USP47: variants seen among roughly 807,000 people sequenced by gnomAD.
USP47 encodes the protein ubiquitin carboxyl-terminal hydrolase 47.
USP47 carries 35 observed loss-of-function variants against 165.1 expected under a neutral mutation model. The observed-to-expected ratio is 0.21, with a 90% CI of 0.16 to 0.28. The LOEUF (loss-of-function observed/expected upper bound fraction) is 0.28, where lower values mean the gene tolerates loss of function less well. Among genes scored for constraint, USP47 ranks in the 10% least tolerant of loss-of-function variants. The pLI, the probability that USP47 is intolerant of heterozygous loss-of-function variation, is 1.00. For synonymous variants in USP47, 531 were observed against 544.5 expected, an observed-to-expected ratio of 0.98 and a Z score of 0.35; for missense variants, 1,277 against 1,607.4, an observed-to-expected ratio of 0.79 and a Z score of 3.52.
rs192089512 is a variant in USP47, at chr11:11,866,820, A to G, written c.40-13357A>G. 2.6e-5 allele frequency among the ~76,000 whole-genome samples: 4 copies of G among 152,192 alleles called. No individual in the cohort carries two copies. The East Asian group carries it at 7.7e-4, about 29-fold the overall frequency. ...TGGCCCACACTTTTTCCTATTGACA[A>G]ATTAGGCATTAGTCTAGTTGTTTCT... On this transcript the variant is annotated intron_variant, in intron 1 of 27. Coordinates refer to ENST00000527733, the MANE Select transcript of USP47 (RefSeq NM_001282659.2).
At position 11,897,708 on chromosome 11, in the gene USP47, A is replaced by C; in HGVS notation, c.593+15A>C. The C allele has an allele frequency of 1.3e-6, 2 of 1,490,042 alleles. No homozygotes were observed. The highest frequency in any genetic ancestry group is 1.8e-6 in the Non-Finnish European group (2 of 1,086,702). 92.3% of individuals were successfully genotyped at this position (1,490,042 alleles called of 1,614,324 possible). A position where few individuals can be genotyped will look rare whatever the true frequency, so the allele number is the denominator to read the frequency against. On this transcript the variant is annotated intron_variant, in intron 5 of 27. Coordinates refer to ENST00000527733, the MANE Select transcript of USP47 (RefSeq NM_001282659.2). ...GCATTATATAAGTGAGTATTCAAAA[A>C]AATTGTATACATAAAATTGATTTAA...
rs1853937849 is a variant in USP47, at chr11:11,922,878, C to G, written c.1373C>G (p.Ser458Cys). ...AGTGGAACTGAAAAGATCTCAAAAT[C>G]TGGACTTGAAAAGGTACCTTTTATA... Reference protein sequence around the residue: ...TNSGTEKISKSGLEKNSLIYE... With the variant: ...TNSGTEKISKCGLEKNSLIYE... Residue 458 changes from serine (S) to cysteine (C), a missense_variant, in exon 11 of 28, where the codon TCT becomes TGT. Around this residue, in one of 4 missense-constraint regions of USP47, gnomAD observed 909 missense variants for 1,068.1 expected, o/e 0.85. Transcript: ENST00000527733. 6.2e-7 allele frequency: 1 copy of G among 1,609,378 alleles called. No homozygotes were observed. The highest frequency in any genetic ancestry group is 8.5e-7 in the Non-Finnish European group (1 of 1,177,388).
At chr11:11,857,090 T>C (rs1160329049) in intron 1 of USP47, among the ~76,000 whole-genome samples, 1 of 152,152 alleles carries the variant, frequency 6.6e-6, no homozygotes, top group Admixed American at 6.5e-5. Context: ...ATAAAATATT[T>C]AATAAAGAGA....
chr11:11,883,812 A>G (rs1266625776), intron 2 of USP47, among the ~76,000 whole-genome samples: 1 of 152,088 alleles, frequency 6.6e-6, no homozygotes, highest in Non-Finnish European at 1.5e-5. Context: ...TGACTCTTAG[A>G]TGTTTAATTT....
chr11:11,910,705 T>C (rs904612817), intron 8 of USP47, among the ~76,000 whole-genome samples: 1 of 152,094 alleles, frequency 6.6e-6, no homozygotes, highest in African/African-American at 2.4e-5. Context: ...GATGTCCACA[T>C]AGGCCAAGTG....
intron 3 of USP47, among the ~76,000 whole-genome samples, chr11:11,889,547 AAT>A (rs990291016): frequency 1.3e-5 from 2 of 152,190 alleles, no homozygotes; most frequent in African/African-American, 4.8e-5. Context: ...TGCTGAAATA[AAT>A]CAGAGAAGAT....
chr11:11,959,675 G>A lies in USP47; in HGVS notation c.*3500G>A, dbSNP rs1847369229. ...GCATTGGAGCATGTGTTACTATTTA[G>A]AAAAGAGTGCAGCCATCAGTAGGTC... On this transcript the variant is annotated 3_prime_UTR_variant, in exon 28 of 28. Coordinates refer to ENST00000527733, the MANE Select transcript of USP47 (RefSeq NM_001282659.2). Among the ~76,000 whole-genome samples, 1 of 152,194 alleles carries A rather than the reference G, an allele frequency of 6.6e-6. No individual in the cohort carries two copies. The highest frequency in any genetic ancestry group is 1.5e-5 in the Non-Finnish European group (1 of 68,030).
chr11:11,922,825 T>C lies in USP47; in HGVS notation c.1320T>C (p.Val440=). ...MSNDFSNDDG[V]DEGICLETNS... ...ACGATTTCTCCAATGATGATGGTGT[T>C]GATGAAGGAATCTGTCTTGAAACCA... The change falls in exon 11 of 28, where the codon GTT becomes GTC. Residue 440 remains valine, a synonymous_variant. Transcript: ENST00000527733. The C allele has an allele frequency of 6.2e-7, 1 of 1,611,890 alleles. No homozygotes were observed. Among genetic ancestry groups the C allele is most frequent in the Non-Finnish European group, 8.5e-7 (1 of 1,178,594 alleles).
intron 25 of USP47, among the ~76,000 whole-genome samples, chr11:11,953,485 T>C (rs1451671054): frequency 2.0e-5 from 3 of 152,000 alleles, no homozygotes; most frequent in African/African-American, 7.2e-5. Context: ...GAAAAAGATA[T>C]TTGTAAGCAT....
At chr11:11,848,298 T>G (rs751621303) in intron 1 of USP47, among the ~76,000 whole-genome samples, 3 of 152,252 alleles carry the variant, frequency 2.0e-5, no homozygotes, top group Non-Finnish European at 4.4e-5. Flanking sequence ...GCTACACACC[T>G]AGGCTATATG....
intron 1 of USP47, among the ~76,000 whole-genome samples, chr11:11,860,930 CAT>C (rs1849343102): frequency 6.6e-6 from 1 of 152,078 alleles, no homozygotes; most frequent in Non-Finnish European, 1.5e-5. Context: ...ATGCTACAAA[CAT>C]GTCAGCATTA....
chr11:11,871,804 C>T (rs1850085934), intron 1 of USP47, among the ~76,000 whole-genome samples: 1 of 152,118 alleles, frequency 6.6e-6, no homozygotes, highest in African/African-American at 2.4e-5. Context: ...CTGGACTCCA[C>T]CTGCACTCTC....
intron 1 of USP47, among the ~76,000 whole-genome samples, chr11:11,861,071 G>A (rs548969933): frequency 1.2e-4 from 19 of 152,060 alleles, no homozygotes; most frequent in African/African-American, 4.1e-4. Context: ...GATGTTCAAA[G>A]GTCCATCCAA....
intron 12 of USP47, 28 bp downstream of exon 12, chr11:11,929,593 C>T (rs746373839): frequency 1.2e-6 from 2 of 1,605,906 alleles, no homozygotes; most frequent in African/African-American, 1.3e-5. Context: ...AAGATTATTA[C>T]TCTGAAAGGT....
At chr11:11,842,246 T>C in intron 1 of USP47, 22 bp downstream of exon 1, 2 of 1,550,578 alleles carry the variant, frequency 1.3e-6, no homozygotes, top group Non-Finnish European at 1.7e-6. Context: ...CAGAGGAGGT[T>C]AGGCCTTAGG....
chr11:11,859,627 T>C (rs58241337), intron 1 of USP47, among the ~76,000 whole-genome samples: 1 of 152,150 alleles, frequency 6.6e-6, no homozygotes, highest in African/African-American at 2.4e-5. Flanking sequence ...CCCCAAAAGA[T>C]AATCTTTTGA....
intron 1 of USP47, among the ~76,000 whole-genome samples, chr11:11,865,507 G>A (rs1041443847): frequency 1.3e-5 from 2 of 151,608 alleles, no homozygotes; most frequent in Admixed American, 6.6e-5. Context: ...TTTTTTTCAG[G>A]CGTTTAGTAA....
intron 4 of USP47, among the ~76,000 whole-genome samples, chr11:11,892,959 A>ATT (rs1851637096): frequency 6.6e-6 from 1 of 151,802 alleles, no homozygotes; most frequent in Non-Finnish European, 1.5e-5. Flanking sequence ...CAGTACTTCC[A>ATT]TTTTGAAGCA....
chr11:11,957,731 CCT>C lies in USP47; in HGVS notation c.*1557_*1558del, dbSNP rs1491429427. On this transcript the variant is annotated 3_prime_UTR_variant, in exon 28 of 28. Coordinates refer to ENST00000527733, the MANE Select transcript of USP47 (RefSeq NM_001282659.2). Reference sequence around the variant, plus strand: ...TCAGTATTTCAGATCCGATTTTTACCCTTTTTTTCTTATAAGAAAGATAAAAT... The same window carrying C: ...TCAGTATTTCAGATCCGATTTTTACCTTTTTTCTTATAAGAAAGATAAAAT... The C allele has an allele frequency of 6.6e-6, 1 of 151,818 alleles. No individual in the cohort carries two copies. Among genetic ancestry groups the C allele is most frequent in the Non-Finnish European group, 1.5e-5 (1 of 67,908 alleles). 9.4% of individuals were successfully genotyped at this position (151,818 alleles called of 1,614,324 possible).
Sources: gnomAD v4.1 joint callset for allele counts (sites outside exome capture counted in the v4.1 genomes callset) on GRCh38, gnomAD v4.1.1 for gene constraint, gnomAD v4.1.1 regional missense constraint, MANE v1.5 for transcripts, NCBI Gene and HGNC (gene_info 2026-07-23, HGNC 2026-07-21) for gene names.